The following PCDHA1 variants were observed in gnomAD, a reference collection of about 807,000 sequenced individuals.
PCDHA1 encodes protocadherin alpha 1.
PCDHA1 carries 42 observed loss-of-function variants against 61.3 expected under a neutral mutation model. The observed-to-expected ratio is 0.69, with a 90% confidence interval of 0.54 to 0.89. The LOEUF is 0.89. PCDHA1 is among the 40% of genes least tolerant of loss of function. The pLI is 0.00. For missense variants in PCDHA1, 1,256 were observed against 1,235.3 expected, an observed-to-expected ratio of 1.02 and a Z score of -0.25; for synonymous variants, 610 against 553.8, an observed-to-expected ratio of 1.10 and a Z score of -1.43.
chr5:140,928,569 G>A (rs2085338493), intron 1 of PCDHA1: 2 of 1,614,202 alleles, frequency 1.2e-6, no homozygotes, highest in Non-Finnish European at 1.7e-6. Flanking sequence ...TGTTTCCCTT[G>A]CCCAGAAATG....
intron 1 of PCDHA1, chr5:140,884,108 G>T: frequency 1.9e-6 from 3 of 1,613,402 alleles, no homozygotes; most frequent in Non-Finnish European, 2.5e-6. Context: ...ATTGCAGCTG[G>T]CGGCGGTCGG....
In PCDHA1 at chr5:140,788,124, CAGCCGGCAGCAGG is replaced by C. The variant is rs1554118122; in HGVS notation, c.1835_1847del (p.Gln612ProfsTer35). 1.2e-6 allele frequency: 2 copies of C among 1,613,972 alleles called. No individual in the cohort carries two copies. The highest frequency in any genetic ancestry group is 3.3e-5 in the Admixed American group (2 of 60,010). ...CAACGCGTGGCTGTCCTATGAACTG[CAGCCGGCAGCAGG>C]CGGCGCGCGCATCCCGTTCCGCGTG... On this transcript the variant is annotated frameshift_variant, in exon 1 of 4. Coordinates refer to ENST00000504120, the MANE Select transcript of PCDHA1 (RefSeq NM_018900.4). LOFTEE classifies it high-confidence loss of function.
intron 1 of PCDHA1, among the ~76,000 whole-genome samples, chr5:140,790,319 G>C (rs531544143): frequency 6.6e-6 from 1 of 152,258 alleles, no homozygotes; most frequent in African/African-American, 2.4e-5. Context: ...TCCTATGTTT[G>C]CTTCTGAAGT....
intron 1 of PCDHA1, chr5:140,849,827 G>T (rs1554143366): frequency 6.3e-7 from 1 of 1,598,480 alleles, no homozygotes; most frequent in Non-Finnish European, 8.6e-7. Context: ...TGTCTGTGGA[G>T]GTGGCCGACG....
intron 1 of PCDHA1, chr5:140,877,489 G>A: frequency 6.2e-7 from 1 of 1,613,844 alleles, no homozygotes; most frequent in Non-Finnish European, 8.5e-7. Context: ...GGTGGAGAAC[G>A]GCCAGGCCCC....
At chr5:140,793,808 C>G (rs1425234730) in intron 1 of PCDHA1, among the ~76,000 whole-genome samples, 1 of 152,072 alleles carries the variant, frequency 6.6e-6, no homozygotes, top group East Asian at 1.9e-4. Flanking sequence ...GCATAAAAGT[C>G]TAAATGTAAT....
intron 1 of PCDHA1, chr5:140,875,191 C>A: frequency 4.0e-6 from 2 of 502,492 alleles, no homozygotes; most frequent in Non-Finnish European, 6.4e-6. Flanking sequence ...TAAGAGTGAC[C>A]CAGGAAGTGG....
intron 1 of PCDHA1, chr5:140,850,329 C>T: frequency 6.3e-7 from 1 of 1,597,650 alleles, no homozygotes; most frequent in Non-Finnish European, 8.6e-7. Context: ...ATACGAGCTG[C>T]AGCCAGAAAC....
At chr5:140,793,195 TG>T (rs1266844108) in intron 1 of PCDHA1, among the ~76,000 whole-genome samples, 1 of 152,190 alleles carries the variant, frequency 6.6e-6, no homozygotes, top group African/African-American at 2.4e-5. Context: ...TGCCAGCAGA[TG>T]GGAAAAGTCT....
At chr5:140,968,626 T>C in intron 1 of PCDHA1, 1 of 1,614,156 alleles carries the variant, frequency 6.2e-7, no homozygotes. Context: ...ATGCTTGGCT[T>C]TTTTACCATC....
intron 1 of PCDHA1, among the ~76,000 whole-genome samples, chr5:140,818,703 T>C (rs2150102081): frequency 1.3e-5 from 2 of 152,262 alleles, no homozygotes; most frequent in Admixed American, 6.5e-5. Context: ...CTAGATGTGG[T>C]GGTGCACACC....
At chr5:140,872,652 T>C (rs1185435042) in intron 1 of PCDHA1, among the ~76,000 whole-genome samples, 2 of 152,142 alleles carry the variant, frequency 1.3e-5, no homozygotes, top group Non-Finnish European at 2.9e-5. Context: ...AGGCAAGAGA[T>C]TTGTCAACTA....
chr5:140,927,621 A>G (rs141117468), intron 1 of PCDHA1: 25 of 1,614,198 alleles, frequency 1.5e-5, no homozygotes, highest in Middle Eastern at 3.3e-4. Context: ...CCAAGGTTCC[A>G]GAGACTGCAC....
At chr5:140,841,324 G>A in intron 1 of PCDHA1, 1 of 1,601,518 alleles carries the variant, frequency 6.2e-7, no homozygotes. Flanking sequence ...TATTTAACAT[G>A]GATTATCACT....
chr5:140,824,274 ATGC>A, intron 1 of PCDHA1: 2 of 1,155,556 alleles, frequency 1.7e-6, no homozygotes, highest in Non-Finnish European at 2.5e-6. Context: ...CATGTATTAT[ATGC>A]TTTTTATGAG....
intron 1 of PCDHA1, chr5:140,797,086 T>C (rs1554120291): frequency 1.2e-6 from 2 of 1,613,954 alleles, no homozygotes; most frequent in Non-Finnish European, 1.7e-6. Flanking sequence ...CTGCGCGGTA[T>C]CCAGCCTGTT....
Position 140,803,314 on chromosome 5 carries a change from C to A in PCDHA1, c.2394+14630C>A, listed in dbSNP as rs782516303. 1.9e-6 allele frequency: 3 copies of A among 1,614,140 alleles called. No homozygotes were observed. The South Asian group carries it at 3.3e-5, about 18-fold the overall frequency. On this transcript the variant is annotated intron_variant, in intron 1 of 3. Transcript: ENST00000504120. ...GTGTACTTGATCGTCGCCATCTGCG[C>A]GGTGTCCAGTCTGTTGGTGCTCACA...
intron 1 of PCDHA1, among the ~76,000 whole-genome samples, chr5:140,895,220 A>C (rs1044682871): frequency 6.6e-6 from 1 of 152,158 alleles, no homozygotes; most frequent in Non-Finnish European, 1.5e-5. Context: ...CTAATATTTT[A>C]CTGAGTTTTC....
intron 1 of PCDHA1, chr5:140,871,194 G>C (rs1391937650): frequency 3.1e-6 from 5 of 1,613,574 alleles, no homozygotes; most frequent in African/African-American, 1.3e-5. Flanking sequence ...ATGTCAACGT[G>C]TACCTGATCA....
Sources: allele counts gnomAD v4.1 joint callset (sites outside exome capture counted in the v4.1 genomes callset), GRCh38; gene constraint gnomAD v4.1.1; transcripts MANE v1.5; gene names NCBI Gene and HGNC (gene_info 2026-07-23, HGNC 2026-07-21).